RALYL: variants seen among roughly 807,000 people sequenced by gnomAD.
RALYL encodes the protein RALY RNA binding protein like, also known as RNA-binding Raly-like protein.
RALYL carries 29 observed loss-of-function variants against 35.1 expected under a neutral mutation model. The observed-to-expected ratio is 0.83, with a 90% CI of 0.61 to 1.13. RALYL has a LOEUF of 1.13. Ranked by LOEUF, RALYL falls within the 50% of genes most tolerant of loss-of-function variation. The probability of loss-of-function intolerance (pLI) is 0.00; values close to 1 mark genes in which losing one functional copy is unlikely to be tolerated. For missense variants in RALYL, 359 were observed against 360.4 expected (o/e 1.00, Z 0.03); for synonymous variants, 120 against 127.6 (o/e 0.94, Z 0.40).
At chr8:84,668,435 C>T (rs1417457606) in intron 2 of RALYL, among the ~76,000 whole-genome samples, 1 of 152,034 alleles carries the variant, frequency 6.6e-6, no homozygotes. Flanking sequence ...TTATTTAAAA[C>T]AGAACAGCTG....
At chr8:84,457,532 G>C (rs1425154210) in intron 1 of RALYL, among the ~76,000 whole-genome samples, 1 of 151,834 alleles carries the variant, frequency 6.6e-6, no homozygotes, top group African/African-American at 2.4e-5. Context: ...TTCACCTTTA[G>C]AAAGTTTTTT....
At chr8:84,646,806 T>A (rs1358015622) in intron 2 of RALYL, among the ~76,000 whole-genome samples, 1 of 152,112 alleles carries the variant, frequency 6.6e-6, no homozygotes, top group Non-Finnish European at 1.5e-5. Flanking sequence ...CTGTTGCCAC[T>A]TCTGGCACCA....
intron 1 of RALYL, among the ~76,000 whole-genome samples, chr8:84,372,330 C>T (rs1855883669): frequency 6.6e-6 from 1 of 152,046 alleles, no homozygotes; most frequent in African/African-American, 2.4e-5. Flanking sequence ...CACCTACATT[C>T]AGCCAATCAA....
intron 1 of RALYL, among the ~76,000 whole-genome samples, chr8:84,242,251 A>G (rs1285505108): frequency 6.6e-6 from 1 of 152,060 alleles, no homozygotes; most frequent in Non-Finnish European, 1.5e-5. Flanking sequence ...CCAGTCTGTC[A>G]TTGTTGGGCA....
chr8:84,395,799 G>C (rs1398346041), intron 1 of RALYL, among the ~76,000 whole-genome samples: 3 of 151,762 alleles, frequency 2.0e-5, no homozygotes, highest in African/African-American at 7.3e-5. Context: ...CTCTATCTTT[G>C]TTAAAAATTC....
chr8:84,417,036 A>G (rs1291302679), intron 1 of RALYL, among the ~76,000 whole-genome samples: 1 of 151,592 alleles, frequency 6.6e-6, no homozygotes, highest in Admixed American at 6.6e-5. Context: ...AGTAACCAAT[A>G]TTATGGAATG....
chr8:84,279,060 C>G (rs950135946), intron 1 of RALYL, among the ~76,000 whole-genome samples: 5 of 152,108 alleles, frequency 3.3e-5, no homozygotes, highest in African/African-American at 1.2e-4. Flanking sequence ...GACTCACAGT[C>G]CCACATGGCT....
At position 84,665,293 on chromosome 8, in the gene RALYL, C is replaced by G. The variant is rs1028021114; in HGVS notation, c.257-109286C>G. ...CTGAAGTTTTCTTTTTTTGTTGTATCTCTACCAGGCTTTTTTTAATCAGGA... is the reference window on the plus strand; with the variant it reads ...CTGAAGTTTTCTTTTTTTGTTGTATGTCTACCAGGCTTTTTTTAATCAGGA... On this transcript the variant is annotated intron_variant, in intron 2 of 8. Coordinates refer to ENST00000521268, the MANE Select transcript of RALYL (RefSeq NM_173848.7). Among the ~76,000 whole-genome samples, 4 of 145,718 alleles carry G rather than the reference C, an allele frequency of 2.7e-5. No individual in the cohort carries two copies. In the East Asian group the frequency reaches 6.0e-4, roughly 22 times the overall value.
intron 1 of RALYL, among the ~76,000 whole-genome samples, chr8:84,292,393 C>T (rs1252951549): frequency 6.6e-6 from 1 of 152,054 alleles, no homozygotes; most frequent in Non-Finnish European, 1.5e-5. Flanking sequence ...ACAGAGTACA[C>T]ACAGATCACT....
intron 1 of RALYL, among the ~76,000 whole-genome samples, chr8:84,366,142 T>C (rs1194652252): frequency 6.6e-6 from 1 of 152,150 alleles, no homozygotes; most frequent in Non-Finnish European, 1.5e-5. Flanking sequence ...AATTTTCAGA[T>C]TCTGCTGTGG....
intron 2 of RALYL, among the ~76,000 whole-genome samples, chr8:84,653,784 A>G (rs1485497503): frequency 6.6e-6 from 1 of 151,952 alleles, no homozygotes. Flanking sequence ...ACATACCTCC[A>G]TAAAATAAGG....
intron 1 of RALYL, among the ~76,000 whole-genome samples, chr8:84,433,018 A>C (rs2047308315): frequency 6.6e-6 from 1 of 152,168 alleles, no homozygotes; most frequent in Non-Finnish European, 1.5e-5. Context: ...ATTTTAAGAA[A>C]TATTAAGCAA....
intron 1 of RALYL, among the ~76,000 whole-genome samples, chr8:84,368,319 ATACT>A (rs1274042894): frequency 6.6e-6 from 1 of 152,174 alleles, no homozygotes; most frequent in African/African-American, 2.4e-5. Flanking sequence ...ATTTGTAGGG[ATACT>A]TAGTTATGTG....
chr8:84,758,734 G>A (rs758601241), intron 2 of RALYL, among the ~76,000 whole-genome samples: 1 of 152,148 alleles, frequency 6.6e-6, no homozygotes, highest in Non-Finnish European at 1.5e-5. Context: ...TCTAGGAAGT[G>A]ACATCCCATT....
intron 2 of RALYL, among the ~76,000 whole-genome samples, chr8:84,594,493 C>A (rs1233443136): frequency 2.0e-5 from 3 of 151,766 alleles, no homozygotes; most frequent in Non-Finnish European, 2.9e-5. Context: ...TTATTATGAA[C>A]AATTTCAGTA....
chr8:84,391,653 T>A (rs1313931670), intron 1 of RALYL, among the ~76,000 whole-genome samples: 1 of 152,070 alleles, frequency 6.6e-6, no homozygotes, highest in South Asian at 2.1e-4. Flanking sequence ...GGTTTTGATA[T>A]TGTAGGCATA....
intron 1 of RALYL, among the ~76,000 whole-genome samples, chr8:84,313,371 T>A: frequency 6.6e-6 from 1 of 152,204 alleles, no homozygotes; most frequent in East Asian, 1.9e-4. Context: ...TTATGCAAAT[T>A]TCTGCACCCA....
chr8:84,866,622 T>C (rs987873672), intron 6 of RALYL, among the ~76,000 whole-genome samples: 11 of 152,156 alleles, frequency 7.2e-5, no homozygotes, highest in African/African-American at 2.4e-4. Context: ...TCTTACTGCC[T>C]TCTCTGTAGA....
rs1156913043 is a variant in RALYL at position 84,529,317 on chromosome 8, C to T, written c.-5C>T. The T allele has an allele frequency of 6.4e-7, 1 of 1,565,370 alleles. No homozygotes were observed. Among genetic ancestry groups the T allele is most frequent in the East Asian group, 2.3e-5 (1 of 43,026 alleles). ...GTTTAAGGATTAAAGCAAGGAGAGC[C>T]AATCATGACTGGCAAAACACAGACC... On this transcript the variant is annotated 5_prime_UTR_variant, in exon 2 of 9. Coordinates refer to ENST00000521268, the MANE Select transcript of RALYL (RefSeq NM_173848.7).
Sources: gnomAD v4.1 joint callset for allele counts (sites outside exome capture counted in the v4.1 genomes callset) on GRCh38, gnomAD v4.1.1 for gene constraint, MANE v1.5 for transcripts, NCBI Gene and HGNC (gene_info 2026-07-23, HGNC 2026-07-21) for gene names.